Variants in POU6F2 observed in about 807,000 individuals in gnomAD.
POU6F2 encodes the protein POU domain, class 6, transcription factor 2.
POU6F2 carries 31 observed loss-of-function variants against 71.3 expected under a neutral mutation model. That is an observed-to-expected ratio of 0.43 (90% CI 0.33 to 0.59). The LOEUF (loss-of-function observed/expected upper bound fraction) is 0.59. POU6F2 is among the 20% of genes least tolerant of loss of function. POU6F2 has a pLI of 0.04. For missense variants in POU6F2, 783 were observed against 856.8 expected (o/e 0.91, Z 1.07); for synonymous variants, 347 against 355.7 (o/e 0.98, Z 0.27).
chr7:39,463,045 GA>G (rs1324542865), intron 9 of POU6F2, among the ~76,000 whole-genome samples: 1 of 152,238 alleles, frequency 6.6e-6, no homozygotes, highest in Non-Finnish European at 1.5e-5. Context: ...TCTGTAGTCA[GA>G]AGTTTTTCAA....
intron 5 of POU6F2, among the ~76,000 whole-genome samples, chr7:39,341,047 C>T (rs1350041822): frequency 1.3e-5 from 2 of 152,172 alleles, no homozygotes; most frequent in East Asian, 1.9e-4. Context: ...TGGGTATAAA[C>T]CTCAGTCAGT....
chr7:39,417,084 G>A (rs1787698174), intron 6 of POU6F2, among the ~76,000 whole-genome samples: 1 of 152,208 alleles, frequency 6.6e-6, no homozygotes, highest in Admixed American at 6.5e-5. Context: ...GCTGAATTTT[G>A]ATTTAGCGTC....
intron 2 of POU6F2, among the ~76,000 whole-genome samples, chr7:39,188,310 T>A (rs1247238290): frequency 6.6e-6 from 1 of 152,142 alleles, no homozygotes; most frequent in Non-Finnish European, 1.5e-5. Flanking sequence ...GTGGTCAGAA[T>A]CTTTTTTTAA....
intron 6 of POU6F2, among the ~76,000 whole-genome samples, chr7:39,416,814 T>TAAAAAAAAAA (rs531942673): frequency 0.02 from 2,895 of 142,254 alleles, 82 homozygotes; most frequent in African/African-American, 0.071. Flanking sequence ...GTTAAAAATG[T>TAAAAAAAAAA]AAAAAAAAAA....
intron 5 of POU6F2, among the ~76,000 whole-genome samples, chr7:39,359,053 A>C (rs779997739): frequency 6.6e-6 from 1 of 152,128 alleles, no homozygotes; most frequent in Non-Finnish European, 1.5e-5. Context: ...CATGCCTAAT[A>C]TGGAACCTAG....
At chr7:39,037,006 A>T (rs1414723112) in intron 1 of POU6F2, among the ~76,000 whole-genome samples, 3 of 152,010 alleles carry the variant, frequency 2.0e-5, no homozygotes, top group African/African-American at 7.2e-5. Context: ...ACCCTGATAC[A>T]AAGCATACTC....
rs557537913 is a variant in POU6F2, at chr7:39,293,398, G to A, written c.599-46244G>A. Among the ~76,000 whole-genome samples, 267 of 152,316 alleles carry A rather than the reference G, an allele frequency of 1.8e-3. 2 individuals are homozygous for A. Among genetic ancestry groups the A allele is most frequent in the African/African-American group, 6.3e-3 (260 of 41,572 alleles). On this transcript the variant is annotated intron_variant, in intron 4 of 9. Coordinates refer to ENST00000518318, the MANE Select transcript of POU6F2 (RefSeq NM_001370959.1). The stretch of plus-strand genomic sequence containing the variant: ...AACAAGATGACAGAATTTATGAAGC[G>A]CTGCGGTAGAAAGATGTAGTTATCT...
At chr7:39,255,766 T>C (rs921708550) in intron 4 of POU6F2, among the ~76,000 whole-genome samples, 1 of 152,198 alleles carries the variant, frequency 6.6e-6, no homozygotes, top group African/African-American at 2.4e-5. Flanking sequence ...GAGGGCCTTC[T>C]GGCAGATTCC....
chr7:39,077,107 G>A (rs910221919), intron 1 of POU6F2, among the ~76,000 whole-genome samples: 2 of 152,212 alleles, frequency 1.3e-5, no homozygotes, highest in Admixed American at 6.5e-5. Flanking sequence ...TATAGGGTAT[G>A]CGTATGCAAT....
chr7:39,005,304 T>G (rs1322189230), intron 1 of POU6F2: 1 of 152,240 alleles, frequency 6.6e-6, no homozygotes, highest in Non-Finnish European at 1.5e-5. Context: ...TTTAAAAAAT[T>G]TCTCAGAGTT....
chr7:39,359,838 G>T (rs1369172409), intron 5 of POU6F2, among the ~76,000 whole-genome samples: 1 of 152,116 alleles, frequency 6.6e-6, no homozygotes, highest in African/African-American at 2.4e-5. Context: ...ATAATTACAT[G>T]CTCAAAGTAT....
chr7:39,094,990 C>T (rs888196888), intron 2 of POU6F2, among the ~76,000 whole-genome samples: 6 of 152,020 alleles, frequency 3.9e-5, no homozygotes, highest in East Asian at 1.9e-4. Flanking sequence ...TCAGAAAGGA[C>T]GCTTGCTATT....
chr7:39,305,215 G>A (rs137894162), intron 4 of POU6F2, among the ~76,000 whole-genome samples: 2 of 152,148 alleles, frequency 1.3e-5, no homozygotes, highest in Admixed American at 6.5e-5. Context: ...ACTTAAGAAG[G>A]TATCATTTCC....
intron 1 of POU6F2, among the ~76,000 whole-genome samples, chr7:39,030,626 G>A (rs896314666): frequency 1.4e-5 from 2 of 146,646 alleles, no homozygotes; most frequent in African/African-American, 5.0e-5. Flanking sequence ...ATACTTCCAA[G>A]TTCTTGCAAT....
intron 4 of POU6F2, among the ~76,000 whole-genome samples, chr7:39,334,906 C>T (rs1420134716): frequency 6.6e-6 from 1 of 152,170 alleles, no homozygotes; most frequent in African/African-American, 2.4e-5. Context: ...TGATTCTTTA[C>T]AACTGGGGCT....
chr7:39,355,226 A>C (rs1786229036), intron 5 of POU6F2, among the ~76,000 whole-genome samples: 1 of 152,196 alleles, frequency 6.6e-6, no homozygotes, highest in Admixed American at 6.5e-5. Context: ...TTTTCATGAC[A>C]TTGTGAGTGA....
chr7:39,420,862 A>G (rs767918850), intron 6 of POU6F2, among the ~76,000 whole-genome samples: 5 of 152,228 alleles, frequency 3.3e-5, no homozygotes, highest in Non-Finnish European at 7.3e-5. Context: ...TCATGCTATC[A>G]GCATAAATTA....
At chr7:39,054,643 G>C (rs558074810) in intron 1 of POU6F2, among the ~76,000 whole-genome samples, 1 of 152,108 alleles carries the variant, frequency 6.6e-6, no homozygotes, top group South Asian at 2.1e-4. Context: ...CTCAGAAAAG[G>C]CTTCTTTGAG....
intron 6 of POU6F2, among the ~76,000 whole-genome samples, chr7:39,419,148 T>C (rs1056006799): frequency 2.1e-5 from 3 of 141,968 alleles, no homozygotes; most frequent in Non-Finnish European, 4.5e-5. Flanking sequence ...TATATACGTA[T>C]ATATGTGTAT....
Sources: gnomAD v4.1 joint callset for allele counts (sites outside exome capture counted in the v4.1 genomes callset) on GRCh38, gnomAD v4.1.1 for gene constraint, MANE v1.5 for transcripts, NCBI Gene and HGNC (gene_info 2026-07-23, HGNC 2026-07-21) for gene names.